The following NF1 variants were observed in gnomAD, a reference collection of about 807,000 sequenced individuals.
NF1 encodes neurofibromin 1.
NF1 carries 122 observed loss-of-function variants against 325.7 expected under a neutral mutation model. The observed-to-expected ratio is 0.37, with a 90% CI of 0.32 to 0.44. The LOEUF is 0.44. Among genes scored for constraint, NF1 ranks in the 20% least tolerant of loss-of-function variants. The pLI, the probability that NF1 is intolerant of heterozygous loss-of-function variation, is 1.00. For synonymous variants in NF1, 1,091 were observed against 1,186.0 expected (o/e 0.92, Z 1.65); for missense variants, 2,140 against 3,415.4 (o/e 0.63, Z 9.31).
At position 31,304,255 on chromosome 17, in the gene NF1, TG is replaced by T. The variant is rs747689945; in HGVS notation, c.4836-21564del. ...ATGGAAGATCAGCTAAAAAGCAAGT[TG>T]TAATATTTATAACAGTTCTGCAGGT... is the stretch of plus-strand genomic sequence containing the variant. On this transcript the variant is annotated intron_variant, in intron 36 of 57. Coordinates refer to ENST00000358273, the MANE Select transcript of NF1 (RefSeq NM_001042492.3). The T allele has an allele frequency of 4.4e-6, 7 of 1,573,812 alleles. No homozygotes were observed. The Admixed American group carries it at 1.3e-4, about 30-fold the overall frequency.
chr17:31,364,009 G>A (rs555939345), intron 57 of NF1, among the ~76,000 whole-genome samples: 7 of 152,266 alleles, frequency 4.6e-5, no homozygotes, highest in Admixed American at 4.6e-4. Flanking sequence ...CCAAAGTGCT[G>A]GGATTACAGG....
At chr17:31,120,266 G>A (rs556635870) in intron 1 of NF1, among the ~76,000 whole-genome samples, 1 of 152,164 alleles carries the variant, frequency 6.6e-6, no homozygotes, top group African/African-American at 2.4e-5. Flanking sequence ...TCATTTGTTT[G>A]TATCCTCTTT....
At chr17:31,144,992 A>G (rs927759521) in intron 1 of NF1, among the ~76,000 whole-genome samples, 12 of 152,216 alleles carry the variant, frequency 7.9e-5, no homozygotes, top group African/African-American at 1.2e-4. Flanking sequence ...AAAATGGCCT[A>G]TAAGGCTTTT....
chr17:31,256,543 A>G (rs533026124), intron 31 of NF1, among the ~76,000 whole-genome samples: 1 of 152,206 alleles, frequency 6.6e-6, no homozygotes, highest in Non-Finnish European at 1.5e-5. Flanking sequence ...GTGTGTGTGA[A>G]TGCATACATT....
At chr17:31,136,382 C>G (rs867037997) in intron 1 of NF1, 5 of 152,108 alleles carry the variant, frequency 3.3e-5, no homozygotes, top group African/African-American at 1.2e-4. Context: ...CCCGCTCCCC[C>G]CACAACCACT....
At chr17:31,277,875 C>T (rs779658013) in intron 36 of NF1, among the ~76,000 whole-genome samples, 1 of 152,192 alleles carries the variant, frequency 6.6e-6, no homozygotes, top group Non-Finnish European at 1.5e-5. Context: ...CCTGCCTTCT[C>T]CTTTATACAT....
At chr17:31,147,029 T>C (rs542840276) in intron 1 of NF1, among the ~76,000 whole-genome samples, 1 of 152,374 alleles carries the variant, frequency 6.6e-6, no homozygotes, top group African/African-American at 2.4e-5. Context: ...CAATTTGTTT[T>C]TGTTTTTTAT....
chr17:31,247,463 A>C (rs1031623592), intron 29 of NF1, among the ~76,000 whole-genome samples: 2 of 152,178 alleles, frequency 1.3e-5, no homozygotes, highest in Non-Finnish European at 2.9e-5. Context: ...GGGAAACCTG[A>C]ATGGCCACAA....
intron 1 of NF1, among the ~76,000 whole-genome samples, chr17:31,132,957 G>A (rs1442707152): frequency 6.6e-6 from 1 of 152,108 alleles, no homozygotes; most frequent in African/African-American, 2.4e-5. Flanking sequence ...ATGAACCACC[G>A]TGCCTGGCCT....
At chr17:31,341,525 A>G (rs186302022) in intron 47 of NF1, among the ~76,000 whole-genome samples, 1 of 152,132 alleles carries the variant, frequency 6.6e-6, no homozygotes, top group East Asian at 1.9e-4. Flanking sequence ...CCTGTCTCCA[A>G]AAAAAAGTGT....
chr17:31,212,724 A>G (rs559604390), intron 12 of NF1, among the ~76,000 whole-genome samples: 46 of 152,370 alleles, frequency 3.0e-4, no homozygotes, highest in African/African-American at 1.0e-3. Context: ...TATATATATT[A>G]TAATAAATAC....
At chr17:31,360,214 G>T in intron 56 of NF1, 1 of 459,104 alleles carries the variant, frequency 2.2e-6, no homozygotes, top group Non-Finnish European at 4.0e-6. Flanking sequence ...CATCATTCCT[G>T]GTGATTGTAT....
At chr17:31,118,771 A>G (rs1180242557) in intron 1 of NF1, among the ~76,000 whole-genome samples, 1 of 152,156 alleles carries the variant, frequency 6.6e-6, no homozygotes, top group Non-Finnish European at 1.5e-5. Flanking sequence ...GTGTATTTAT[A>G]GTAGAATGAT....
rs138690689 is a variant in NF1, at chr17:31,158,152, C to T, written c.205-858C>T. Reference sequence around the variant, plus strand: ...TTCTACTTTTTACTCTTTTTAGCTTCCACATATGAGTGAGAGCATGTGGTG... The same window carrying T: ...TTCTACTTTTTACTCTTTTTAGCTTTCACATATGAGTGAGAGCATGTGGTG... On this transcript the variant is annotated intron_variant, in intron 2 of 57. Transcript: ENST00000358273. Among the ~76,000 whole-genome samples the T allele has an allele frequency of 8.5e-5, 13 of 152,256 alleles. No homozygotes were observed. The East Asian group carries it at 2.3e-3, about 27-fold the overall frequency.
intron 1 of NF1, among the ~76,000 whole-genome samples, chr17:31,110,783 G>T (rs1913330986): frequency 6.6e-6 from 1 of 151,984 alleles, no homozygotes; most frequent in South Asian, 2.1e-4. Flanking sequence ...AACATTCTAG[G>T]AATCAAAAAC....
At chr17:31,257,077 A>G (rs183001850) in intron 31 of NF1, among the ~76,000 whole-genome samples, 9 of 152,292 alleles carry the variant, frequency 5.9e-5, no homozygotes, top group African/African-American at 2.2e-4. Context: ...CATTTTTTCC[A>G]GAGTTAATCT....
At chr17:31,370,465 T>C (rs1174673918) in intron 57 of NF1, among the ~76,000 whole-genome samples, 5 of 152,192 alleles carry the variant, frequency 3.3e-5, no homozygotes, top group Admixed American at 3.3e-4. Context: ...TGAACAACTT[T>C]ATAGCTTGTT....
chr17:31,211,552 G>A (rs141530790), intron 12 of NF1, among the ~76,000 whole-genome samples: 1 of 152,256 alleles, frequency 6.6e-6, no homozygotes, highest in East Asian at 1.9e-4. Flanking sequence ...ACATCATAGA[G>A]TCTGCTTACA....
chr17:31,250,802 G>A, intron 30 of NF1: 1 of 188,340 alleles, frequency 5.3e-6, no homozygotes, highest in Non-Finnish European at 1.1e-5. Context: ...TATATGTGGT[G>A]ATTATTAAAC....
Sources: gnomAD v4.1 joint callset for allele counts (sites outside exome capture counted in the v4.1 genomes callset) on GRCh38, gnomAD v4.1.1 for gene constraint, MANE v1.5 for transcripts, NCBI Gene and HGNC (gene_info 2026-07-23, HGNC 2026-07-21) for gene names.